The following WIPF2 variants were observed in gnomAD, a reference collection of about 807,000 sequenced individuals.
The protein encoded by WIPF2 is WAS/WASL-interacting protein family member 2.
In WIPF2, 23 loss-of-function variants were observed where a neutral mutation model predicts 38.8. The ratio of observed to expected loss-of-function variants is 0.59; its 90% CI spans 0.43 to 0.84. The LOEUF (loss-of-function observed/expected upper bound fraction) is 0.84. Among genes scored for constraint, WIPF2 ranks in the 40% least tolerant of loss-of-function variants. WIPF2 has a pLI of 0.00. For synonymous variants in WIPF2, 210 were observed against 223.2 expected (o/e 0.94, Z 0.53); for missense variants, 574 against 580.5 (o/e 0.99, Z 0.11).
intron 1 of WIPF2, among the ~76,000 whole-genome samples, chr17:40,252,097 A>G (rs768930092): frequency 1.3e-5 from 2 of 152,152 alleles, no homozygotes; most frequent in Non-Finnish European, 2.9e-5. Context: ...CTGTTTTTCA[A>G]TTAGAGTTTG....
At chr17:40,248,631 C>A (rs1247457247) in intron 1 of WIPF2, among the ~76,000 whole-genome samples, 1 of 152,180 alleles carries the variant, frequency 6.6e-6, no homozygotes, top group East Asian at 1.9e-4. Context: ...ATTTATGTTT[C>A]ATCTCTGATG....
At chr17:40,254,738 CT>C (rs376621435) in intron 1 of WIPF2, among the ~76,000 whole-genome samples, 64 of 145,370 alleles carry the variant, frequency 4.4e-4, no homozygotes, top group Non-Finnish European at 4.4e-4. Flanking sequence ...ATGATTTTTC[CT>C]TTTTTTTTTT....
At chr17:40,247,324 T>A (rs1470882550) in intron 1 of WIPF2, among the ~76,000 whole-genome samples, 1 of 147,864 alleles carries the variant, frequency 6.8e-6, no homozygotes, top group Non-Finnish European at 1.5e-5. Context: ...TTCAAGCGAT[T>A]CTCCTGCTTC....
chr17:40,269,165 C>T (rs1363414627), intron 5 of WIPF2, among the ~76,000 whole-genome samples: 1 of 151,920 alleles, frequency 6.6e-6, no homozygotes, highest in Admixed American at 6.6e-5. Flanking sequence ...TACTAAAATA[C>T]AAAAATTAGC....
chr17:40,243,363 G>A (rs541110950), intron 1 of WIPF2, among the ~76,000 whole-genome samples: 28 of 152,242 alleles, frequency 1.8e-4, no homozygotes, highest in African/African-American at 6.7e-4. Context: ...AGTGGGGAAA[G>A]CTGCGTTTTG....
rs1160405211 is a variant in WIPF2 at position 40,265,110 on chromosome 17, C to A, written c.934C>A (p.Pro312Thr). The change falls in exon 5 of 8, where the codon CCT (proline) becomes ACT (threonine). Residue 312 changes from proline to threonine, a missense_variant. Physicochemically the swap from Pro to Thr is conservative, Grantham distance 38. Coordinates refer to ENST00000323571, the MANE Select transcript of WIPF2 (RefSeq NM_133264.5). ...ASPSLLSNRP[P>T]PPARDPPSRG... ...CCCATCTTTACTGAGTAATAGGCCACCTCCCCCAGCCCGAGACCCTCCCAG... is the reference window on the plus strand; with the variant it reads ...CCCATCTTTACTGAGTAATAGGCCAACTCCCCCAGCCCGAGACCCTCCCAG... The A allele has an allele frequency of 6.2e-7, 1 of 1,612,820 alleles. No homozygotes were observed. Among genetic ancestry groups the A allele is most frequent in the Admixed American group, 1.7e-5 (1 of 59,938 alleles).
chr17:40,274,432 AC>A, intron 6 of WIPF2, among the ~76,000 whole-genome samples: 1 of 151,558 alleles, frequency 6.6e-6, no homozygotes, highest in Non-Finnish European at 1.5e-5. Flanking sequence ...TTTTATAGAG[AC>A]TGGGTCTCTG....
intron 3 of WIPF2, among the ~76,000 whole-genome samples, chr17:40,261,691 GTT>G (rs1169332747): frequency 1.7e-5 from 2 of 118,278 alleles, no homozygotes; most frequent in Non-Finnish European, 1.8e-5. Context: ...GGTTTTTTTT[GTT>G]TTTTTTTTTT....
Position 40,252,758 on chromosome 17 carries a change from T to C in WIPF2, c.-69-3633T>C, listed in dbSNP as rs577927802. ...TTTCTGAATCAACTGTTATTTTCCCTGGTTTGTTTGGTTTTTTTTTTTGAG... is the reference window on the plus strand; with the variant it reads ...TTTCTGAATCAACTGTTATTTTCCCCGGTTTGTTTGGTTTTTTTTTTTGAG... On this transcript the variant is annotated intron_variant, in intron 1 of 7. Transcript: ENST00000323571. Among the ~76,000 whole-genome samples, 3 of 151,554 alleles carry C rather than the reference T, an allele frequency of 2.0e-5. No individual in the cohort carries two copies. The East Asian group carries it at 5.8e-4, about 29-fold the overall frequency.
intron 1 of WIPF2, among the ~76,000 whole-genome samples, chr17:40,220,729 A>G (rs962935067): frequency 6.8e-6 from 1 of 147,802 alleles, no homozygotes; most frequent in Non-Finnish European, 1.5e-5. Context: ...CGGCCTCCGC[A>G]AGTGCTGGGA....
chr17:40,258,092 T>C (rs1324323220), intron 2 of WIPF2, among the ~76,000 whole-genome samples: 1 of 152,142 alleles, frequency 6.6e-6, no homozygotes, highest in Non-Finnish European at 1.5e-5. Context: ...GCCCAATAAA[T>C]GAAGGAGATA....
intron 6 of WIPF2, among the ~76,000 whole-genome samples, 181 bp from the exon 7 acceptor site, chr17:40,276,896 CTGTGCA>C (rs2032421100): frequency 6.6e-6 from 1 of 151,264 alleles, no homozygotes; most frequent in African/African-American, 2.5e-5. Flanking sequence ...AATACATGCT[CTGTGCA>C]TGCAAGGCAC....
intron 1 of WIPF2, among the ~76,000 whole-genome samples, chr17:40,247,068 C>T (rs930136839): frequency 6.6e-6 from 1 of 151,114 alleles, no homozygotes; most frequent in African/African-American, 2.4e-5. Flanking sequence ...GAGCCGAGAT[C>T]GTGCCATTGC....
rs915809390 is a variant in WIPF2, at chr17:40,222,825, C to T, written c.-70+3333C>T. ...AACTGGTACTATAGGCATGCACCAC[C>T]ACGCCCAGCTAATTTTTTGTATTTT... On this transcript the variant is annotated intron_variant, in intron 1 of 7. Transcript: ENST00000323571. Among the ~76,000 whole-genome samples, 4 of 149,528 alleles carry T rather than the reference C, an allele frequency of 2.7e-5. 1 individual carries two copies. The highest frequency in any genetic ancestry group is 6.7e-5 in the Admixed American group (1 of 14,906).
At chr17:40,265,253 A>G in intron 5 of WIPF2, 107 bp downstream of exon 5, 1 of 1,346,110 alleles carries the variant, frequency 7.4e-7, no homozygotes, top group Non-Finnish European at 1.0e-6. Context: ...CAGTGGGTTT[A>G]TTGAGTACCT....
At chr17:40,229,712 G>A (rs569529783) in intron 1 of WIPF2, among the ~76,000 whole-genome samples, 2 of 152,280 alleles carry the variant, frequency 1.3e-5, no homozygotes, top group African/African-American at 2.4e-5. Flanking sequence ...GTGAGCCACC[G>A]TGCCTGGCCC....
At chr17:40,254,137 C>T (rs2031647971) in intron 1 of WIPF2, among the ~76,000 whole-genome samples, 2 of 152,072 alleles carry the variant, frequency 1.3e-5, no homozygotes, top group Middle Eastern at 3.4e-3. Context: ...CTGCCTGAGC[C>T]TTCCAAGTAA....
intron 1 of WIPF2, among the ~76,000 whole-genome samples, chr17:40,256,096 T>TAAA (rs892748332): frequency 2.1e-5 from 2 of 96,970 alleles, no homozygotes; most frequent in Admixed American, 2.3e-4. Flanking sequence ...CCAGGGTCTT[T>TAAA]AAAAAAAAAA....
chr17:40,273,606 T>A lies in WIPF2; in HGVS notation c.971-184T>A, dbSNP rs186526506. The A allele has an allele frequency of 1.5e-4, 83 of 564,350 alleles. No homozygotes were observed. In the East Asian group the frequency reaches 2.7e-3, roughly 18 times the overall value. The allele number at this position is 564,350 out of a possible 1,614,324, so 35.0% of individuals were successfully genotyped here. Reference sequence around the variant, plus strand: ...ACTGGTAGGAAATGTAAAAAGGCCATACATTTATTCTGAATGTTGGTATCT... The same window carrying A: ...ACTGGTAGGAAATGTAAAAAGGCCAAACATTTATTCTGAATGTTGGTATCT... On this transcript the variant is annotated intron_variant, in intron 5 of 7. Transcript: ENST00000323571.
Sources: gnomAD v4.1 joint callset for allele counts (sites outside exome capture counted in the v4.1 genomes callset) on GRCh38, gnomAD v4.1.1 for gene constraint, MANE v1.5 for transcripts, NCBI Gene and HGNC (gene_info 2026-07-23, HGNC 2026-07-21) for gene names.